HYCC2: variants seen among roughly 807,000 people sequenced by gnomAD.
The protein encoded by HYCC2 is hyccin PI4KA lipid kinase complex subunit 2.
the HYCC2 span, among the ~76,000 whole-genome samples, chr2:201,059,897 T>C: frequency 6.6e-6 from 1 of 151,976 alleles, no homozygotes; most frequent in Admixed American, 6.6e-5. Flanking sequence ...AATACAAAAA[T>C]TAGCCAGCGT....
chr2:201,051,306 C>T, the HYCC2 span, among the ~76,000 whole-genome samples: 5 of 151,998 alleles, frequency 3.3e-5, no homozygotes, highest in Non-Finnish European at 5.9e-5. Context: ...AGGTTGAAAA[C>T]AAGACAGAGA....
the HYCC2 span, among the ~76,000 whole-genome samples, chr2:201,018,605 C>A: frequency 6.6e-6 from 1 of 152,184 alleles, no homozygotes; most frequent in Non-Finnish European, 1.5e-5. Flanking sequence ...AATTTACATA[C>A]ATATACATCC....
chr2:200,987,615 T>C, the HYCC2 span: 6 of 1,049,492 alleles, frequency 5.7e-6, no homozygotes, highest in Non-Finnish European at 7.6e-6. Flanking sequence ...GATAAGAGAA[T>C]GTATATATGG....
the HYCC2 span, chr2:201,071,423 TCTC>T: frequency 6.6e-6 from 1 of 152,256 alleles, no homozygotes; most frequent in Admixed American, 6.6e-5. Context: ...GCTGCCGCCT[TCTC>T]CTCCTCACGA....
chr2:200,982,243 A>C, the HYCC2 span, among the ~76,000 whole-genome samples: 1 of 151,318 alleles, frequency 6.6e-6, no homozygotes, highest in East Asian at 1.9e-4. Flanking sequence ...AAAAAAAAAA[A>C]AAACTTTTCC....
At chr2:201,049,123 TAA>T in the HYCC2 span, among the ~76,000 whole-genome samples, 25 of 129,154 alleles carry the variant, frequency 1.9e-4, no homozygotes, top group Admixed American at 3.2e-4. Context: ...GACTCTGTCT[TAA>T]AAAAAAAAAA....
the HYCC2 span, among the ~76,000 whole-genome samples, chr2:201,033,223 ATCTC>A: frequency 5.4e-4 from 73 of 133,968 alleles, 1 homozygote; most frequent in Admixed American, 1.8e-3. Flanking sequence ...GAGAGATGAG[ATCTC>A]TCTCTGTTTC....
the HYCC2 span, chr2:200,997,188 G>A: frequency 3.6e-6 from 1 of 278,560 alleles, no homozygotes; most frequent in Non-Finnish European, 6.9e-6. Context: ...CAAGAAGGCT[G>A]AGGGCACAGT....
the HYCC2 span, among the ~76,000 whole-genome samples, chr2:201,002,784 A>G: frequency 6.6e-6 from 1 of 152,168 alleles, no homozygotes; most frequent in East Asian, 1.9e-4. Context: ...CGGCCTCCCA[A>G]AGTGCTGGGA....
chr2:200,996,725 TGGTACTA>T, the HYCC2 span: 1 of 152,220 alleles, frequency 6.6e-6, no homozygotes, highest in Non-Finnish European at 1.5e-5. Context: ...CACACATCAT[TGGTACTA>T]TTGCTAATCA....
At chr2:200,982,536 T>C in the HYCC2 span, among the ~76,000 whole-genome samples, 3,109 of 152,286 alleles carry the variant, frequency 0.02, 106 homozygotes, top group African/African-American at 0.07. Context: ...GGTTTCCATA[T>C]TTTGATCAAT....
the HYCC2 span, among the ~76,000 whole-genome samples, chr2:201,033,426 C>T: frequency 1.4e-4 from 21 of 144,988 alleles, no homozygotes; most frequent in East Asian, 1.6e-3. Context: ...TTTTTTGAGA[C>T]GGAGTCTCCC....
At chr2:201,048,245 A>G in the HYCC2 span, among the ~76,000 whole-genome samples, 1 of 152,184 alleles carries the variant, frequency 6.6e-6, no homozygotes, top group African/African-American at 2.4e-5. Flanking sequence ...AAAATTATAT[A>G]CATATATCAA....
the HYCC2 span, among the ~76,000 whole-genome samples, chr2:201,014,120 C>G: frequency 6.6e-6 from 1 of 152,130 alleles, no homozygotes; most frequent in Admixed American, 6.5e-5. Flanking sequence ...ACCACAGCAC[C>G]AATAAGTTAT....
At chr2:201,008,305 T>C in the HYCC2 span, among the ~76,000 whole-genome samples, 1 of 152,230 alleles carries the variant, frequency 6.6e-6, no homozygotes, top group African/African-American at 2.4e-5. Flanking sequence ...CTGGTTTGAC[T>C]GACTGCACAT....
At chr2:200,992,284 T>C in the HYCC2 span, 3 of 1,583,224 alleles carry the variant, frequency 1.9e-6, no homozygotes, top group East Asian at 2.2e-5. Context: ...AACTTACCAA[T>C]AGTGGTTGAG....
the HYCC2 span, among the ~76,000 whole-genome samples, chr2:201,018,496 C>T: frequency 6.6e-6 from 1 of 152,186 alleles, no homozygotes; most frequent in Non-Finnish European, 1.5e-5. Flanking sequence ...TAAAAAGTCA[C>T]TGTCATGATT....
the HYCC2 span, chr2:201,064,091 G>T: frequency 6.6e-7 from 1 of 1,507,578 alleles, no homozygotes; most frequent in Non-Finnish European, 9.1e-7. Flanking sequence ...AGCCAGAGAA[G>T]TGACAGGGAA....
chr2:201,063,011 T>G, the HYCC2 span: 1 of 1,513,380 alleles, frequency 6.6e-7, no homozygotes. Context: ...CATCAAGTAC[T>G]ATAATAAAAA....
Sources: allele counts gnomAD v4.1 joint callset (sites outside exome capture counted in the v4.1 genomes callset), GRCh38; gene constraint gnomAD v4.1.1; transcripts MANE v1.5; gene names NCBI Gene and HGNC (gene_info 2026-07-23, HGNC 2026-07-21).